Variants in SCHIP1 observed in about 807,000 individuals in gnomAD.
SCHIP1 encodes the protein schwannomin-interacting protein 1.
Under a neutral mutation model 29.7 loss-of-function variants are expected in SCHIP1, and 8 were observed. The observed-to-expected ratio is 0.27, with a 90% CI of 0.16 to 0.49. SCHIP1 has a LOEUF of 0.49. SCHIP1 is among the 20% of genes least tolerant of loss of function. The probability of loss-of-function intolerance (pLI) is 0.99; values close to 1 mark genes in which losing one functional copy is unlikely to be tolerated. For missense variants in SCHIP1, 193 were observed against 294.6 expected (o/e 0.66, Z 2.52); for synonymous variants, 76 against 94.9 (o/e 0.80, Z 1.16).
the SCHIP1 span, among the ~76,000 whole-genome samples, chr3:159,639,959 A>G: frequency 6.6e-6 from 1 of 152,206 alleles, no homozygotes; most frequent in Non-Finnish European, 1.5e-5. Flanking sequence ...TTAAATGGCA[A>G]ATATTTTTGC....
chr3:159,699,234 A>G, the SCHIP1 span, among the ~76,000 whole-genome samples: 3 of 152,194 alleles, frequency 2.0e-5, no homozygotes, highest in Non-Finnish European at 4.4e-5. Context: ...ATCACATTTA[A>G]TCTTCATGAC....
At chr3:159,745,090 G>A in the SCHIP1 span, among the ~76,000 whole-genome samples, 1 of 152,132 alleles carries the variant, frequency 6.6e-6, no homozygotes, top group Non-Finnish European at 1.5e-5. Flanking sequence ...CTATGTGTAT[G>A]TCTATAACAG....
At chr3:159,379,406 A>T in the SCHIP1 span, among the ~76,000 whole-genome samples, 3 of 152,096 alleles carry the variant, frequency 2.0e-5, no homozygotes, top group Non-Finnish European at 4.4e-5. Flanking sequence ...TACCTTTAGT[A>T]GAGACAGGGT....
the SCHIP1 span, among the ~76,000 whole-genome samples, chr3:159,604,534 A>G: frequency 6.6e-6 from 1 of 152,180 alleles, no homozygotes; most frequent in African/African-American, 2.4e-5. Context: ...AAATACTGAG[A>G]TAAGTGAAGG....
chr3:159,387,265 A>G, the SCHIP1 span: 3 of 212,150 alleles, frequency 1.4e-5, no homozygotes, highest in Admixed American at 5.3e-5. Context: ...CTGCTTTTGC[A>G]TGGGCATAAT....
chr3:159,298,816 A>G, the SCHIP1 span, among the ~76,000 whole-genome samples: 1 of 152,342 alleles, frequency 6.6e-6, no homozygotes, highest in African/African-American at 2.4e-5. Flanking sequence ...AAAAAAATCA[A>G]ATTTTTTAAA....
chr3:159,303,169 G>A, the SCHIP1 span, among the ~76,000 whole-genome samples: 1 of 152,198 alleles, frequency 6.6e-6, no homozygotes, highest in Non-Finnish European at 1.5e-5. Flanking sequence ...AGGCAGAGAT[G>A]GGAGCACTGG....
At chr3:159,334,576 T>G in the SCHIP1 span, among the ~76,000 whole-genome samples, 1,629 of 152,272 alleles carry the variant, frequency 0.011, 37 homozygotes, top group African/African-American at 0.037. Flanking sequence ...CTGCCTCTTA[T>G]AGTCAAATCA....
the SCHIP1 span, among the ~76,000 whole-genome samples, chr3:159,353,083 C>A: frequency 6.6e-6 from 1 of 152,036 alleles, no homozygotes; most frequent in East Asian, 1.9e-4. Flanking sequence ...GCATTCCAAG[C>A]CAATACTTCC....
At chr3:159,379,490 TG>T in the SCHIP1 span, among the ~76,000 whole-genome samples, 1 of 152,238 alleles carries the variant, frequency 6.6e-6, no homozygotes, top group Admixed American at 6.5e-5. Context: ...CCCAAAGTGC[TG>T]GGATAACAGG....
the SCHIP1 span, among the ~76,000 whole-genome samples, chr3:159,750,302 C>T: frequency 6.8e-4 from 95 of 140,300 alleles, no homozygotes; most frequent in African/African-American, 2.3e-3. Flanking sequence ...TATATACACA[C>T]ACACACACAC....
the SCHIP1 span, among the ~76,000 whole-genome samples, chr3:159,727,709 T>A: frequency 1.3e-5 from 2 of 152,200 alleles, no homozygotes; most frequent in South Asian, 2.1e-4. Flanking sequence ...CAAAGCAAAG[T>A]GTAGCCAACA....
the SCHIP1 span, among the ~76,000 whole-genome samples, chr3:159,580,031 T>C: frequency 6.6e-6 from 1 of 152,188 alleles, no homozygotes; most frequent in Non-Finnish European, 1.5e-5. Flanking sequence ...GTCAGTAGAA[T>C]AGAAACCGGC....
the SCHIP1 span, among the ~76,000 whole-genome samples, chr3:159,605,842 A>T: frequency 6.6e-6 from 1 of 152,146 alleles, no homozygotes; most frequent in Non-Finnish European, 1.5e-5. Flanking sequence ...GGGACAACCT[A>T]GAGCAGTCTA....
At chr3:159,616,647 A>G in the SCHIP1 span, among the ~76,000 whole-genome samples, 1 of 152,234 alleles carries the variant, frequency 6.6e-6, no homozygotes, top group Admixed American at 6.5e-5. Flanking sequence ...TTCAGATAGT[A>G]TATCAGAAAG....
the SCHIP1 span, among the ~76,000 whole-genome samples, chr3:159,607,987 T>G: frequency 6.6e-6 from 1 of 152,120 alleles, no homozygotes; most frequent in East Asian, 1.9e-4. Flanking sequence ...CCAGAGGCAG[T>G]GGACCCTGGG....
At chr3:159,614,461 GT>G in the SCHIP1 span, among the ~76,000 whole-genome samples, 1 of 151,526 alleles carries the variant, frequency 6.6e-6, no homozygotes. Flanking sequence ...TCCTTATCTT[GT>G]TTTTTTTCAC....
chr3:159,533,929 C>A, the SCHIP1 span, among the ~76,000 whole-genome samples: 1 of 152,144 alleles, frequency 6.6e-6, no homozygotes, highest in Non-Finnish European at 1.5e-5. Flanking sequence ...TTGTGATTAG[C>A]AATAGTGCTA....
chr3:159,545,573 C>CAT, the SCHIP1 span, among the ~76,000 whole-genome samples: 51 of 145,670 alleles, frequency 3.5e-4, no homozygotes, highest in Non-Finnish European at 5.7e-4. Context: ...AACTCCCCTT[C>CAT]ATATATATAT....
Sources: allele counts gnomAD v4.1 joint callset (sites outside exome capture counted in the v4.1 genomes callset), GRCh38; gene constraint gnomAD v4.1.1; transcripts MANE v1.5; gene names NCBI Gene and HGNC (gene_info 2026-07-23, HGNC 2026-07-21).